SPIDR: variants seen among roughly 807,000 people sequenced by gnomAD.
SPIDR encodes DNA repair-scaffolding protein.
A neutral mutation model predicts 104.6 loss-of-function variants in SPIDR; 93 were observed. The observed-to-expected ratio is 0.89, with a 90% confidence interval of 0.75 to 1.06. The LOEUF (loss-of-function observed/expected upper bound fraction) is 1.06. Among genes scored for constraint, SPIDR ranks in the 50% least tolerant of loss-of-function variants. The pLI, the probability that SPIDR is intolerant of heterozygous loss-of-function variation, is 0.00. For missense variants in SPIDR, 1,154 were observed against 1,111.2 expected (o/e 1.04, Z -0.55); for synonymous variants, 431 against 416.9 (o/e 1.03, Z -0.41).
intron 5 of SPIDR, among the ~76,000 whole-genome samples, chr8:47,319,572 A>G (rs985752045): frequency 2.6e-5 from 4 of 152,210 alleles, no homozygotes; most frequent in African/African-American, 9.6e-5. Context: ...CAGGTATTGT[A>G]CTCAACTCTG....
chr8:47,402,145 C>G (rs1170356675), intron 6 of SPIDR, among the ~76,000 whole-genome samples: 1 of 152,190 alleles, frequency 6.6e-6, no homozygotes, highest in African/African-American at 2.4e-5. Context: ...TCTGAGACCA[C>G]AGTGCAATCA....
chr8:47,665,041 A>G (rs2154465348), intron 10 of SPIDR, among the ~76,000 whole-genome samples: 1 of 152,350 alleles, frequency 6.6e-6, no homozygotes, highest in Admixed American at 6.5e-5. Flanking sequence ...GATGATGCCG[A>G]AAATATTTGA....
chr8:47,426,204 A>G (rs2154337296), intron 7 of SPIDR, among the ~76,000 whole-genome samples: 1 of 152,340 alleles, frequency 6.6e-6, no homozygotes, highest in African/African-American at 2.4e-5. Context: ...CAGTGAGCTG[A>G]GATCATGCCA....
chr8:47,550,518 C>G (rs370339275), intron 8 of SPIDR, among the ~76,000 whole-genome samples: 3 of 152,146 alleles, frequency 2.0e-5, no homozygotes, highest in East Asian at 1.9e-4. Context: ...TTTTTATTCT[C>G]TTTGAAGCAG....
At chr8:47,510,230 T>C (rs1443412067) in intron 8 of SPIDR, among the ~76,000 whole-genome samples, 1 of 152,200 alleles carries the variant, frequency 6.6e-6, no homozygotes, top group Admixed American at 6.5e-5. Flanking sequence ...AATTAAAATA[T>C]CTTGGCAAAA....
At chr8:47,727,985 C>T (rs562699650) in intron 17 of SPIDR, among the ~76,000 whole-genome samples, 7 of 152,184 alleles carry the variant, frequency 4.6e-5, no homozygotes, top group East Asian at 1.9e-4. Context: ...GGCATGGTGG[C>T]GCGTGCCTGT....
At position 47,735,603 on chromosome 8, in the gene SPIDR, T is replaced by TA; in HGVS notation, c.*154dup. Reference sequence around the variant, plus strand: ...AGATTTTTCTGGGGAAATGTTCAGATACAGTTTTGTGAACTGTAAATCAAA... The same window carrying TA: ...AGATTTTTCTGGGGAAATGTTCAGATAACAGTTTTGTGAACTGTAAATCAAA... On this transcript the variant is annotated 3_prime_UTR_variant, in exon 20 of 20. Coordinates refer to ENST00000297423, the MANE Select transcript of SPIDR (RefSeq NM_001080394.4). 2 of 1,447,880 alleles carry TA rather than the reference T, an allele frequency of 1.4e-6. No individual in the cohort carries two copies. Among genetic ancestry groups the TA allele is most frequent in the South Asian group, 2.7e-5 (2 of 75,420 alleles). The allele number at this position is 1,447,880 out of a possible 1,614,324, so 89.7% of individuals were successfully genotyped here. A position where few individuals can be genotyped will look rare whatever the true frequency, so the allele number is the denominator to read the frequency against.
At chr8:47,638,143 A>G (rs2068249870) in intron 10 of SPIDR, among the ~76,000 whole-genome samples, 2 of 151,450 alleles carry the variant, frequency 1.3e-5, no homozygotes, top group Non-Finnish European at 2.9e-5. Flanking sequence ...TTTTGTTTTG[A>G]GTACTTCTTT....
At chr8:47,422,535 T>G (rs1017700869) in intron 7 of SPIDR, among the ~76,000 whole-genome samples, 2 of 152,234 alleles carry the variant, frequency 1.3e-5, no homozygotes, top group Non-Finnish European at 2.9e-5. Flanking sequence ...GGAAAGGGAA[T>G]TCCCTGACCC....
At chr8:47,334,482 G>C (rs1554607036) in intron 5 of SPIDR, among the ~76,000 whole-genome samples, 1 of 152,086 alleles carries the variant, frequency 6.6e-6, no homozygotes, top group Non-Finnish European at 1.5e-5. Context: ...TGTCTTCTTG[G>C]ACAATTGAAT....
chr8:47,522,172 C>CAAAAA (rs781613495), intron 8 of SPIDR, among the ~76,000 whole-genome samples: 1 of 65,622 alleles, frequency 1.5e-5, no homozygotes, highest in African/African-American at 5.9e-5. Context: ...GAGTCTGTCT[C>CAAAAA]AAAAAAAAAA....
intron 11 of SPIDR, among the ~76,000 whole-genome samples, chr8:47,684,994 G>A (rs2077557953): frequency 6.6e-6 from 1 of 152,212 alleles, no homozygotes; most frequent in African/African-American, 2.4e-5. Flanking sequence ...TGAGGCAGGT[G>A]GATCACCTGA....
At chr8:47,292,509 A>G (rs1554569952) in intron 4 of SPIDR, among the ~76,000 whole-genome samples, 1 of 152,212 alleles carries the variant, frequency 6.6e-6, no homozygotes, top group African/African-American at 2.4e-5. Context: ...TGTGCCTCCC[A>G]AAGTGCTGGG....
chr8:47,569,766 C>T (rs981943491), intron 8 of SPIDR, among the ~76,000 whole-genome samples: 12 of 152,050 alleles, frequency 7.9e-5, no homozygotes, highest in Admixed American at 4.6e-4. Flanking sequence ...CTAAAAAGAA[C>T]TGATAGAAGT....
intron 7 of SPIDR, among the ~76,000 whole-genome samples, chr8:47,426,121 A>C (rs1360892323): frequency 6.6e-6 from 1 of 151,938 alleles, no homozygotes; most frequent in African/African-American, 2.4e-5. Context: ...CCATGGGGGC[A>C]CACACTCCTG....
At chr8:47,275,605 T>G (rs2036262666) in intron 1 of SPIDR, among the ~76,000 whole-genome samples, 1 of 152,230 alleles carries the variant, frequency 6.6e-6, no homozygotes, top group South Asian at 2.1e-4. Context: ...GAAAATATTT[T>G]ATTATTTTAA....
At chr8:47,403,301 G>T (rs1205807462) in intron 6 of SPIDR, among the ~76,000 whole-genome samples, 1 of 152,172 alleles carries the variant, frequency 6.6e-6, no homozygotes, top group Non-Finnish European at 1.5e-5. Context: ...GCACAAGACA[G>T]GGATGCCCTC....
intron 10 of SPIDR, among the ~76,000 whole-genome samples, chr8:47,670,553 A>G (rs2075658754): frequency 6.6e-6 from 1 of 152,100 alleles, no homozygotes; most frequent in East Asian, 1.9e-4. Flanking sequence ...GTGTTTTCCT[A>G]TATTTCTCAT....
At chr8:47,474,851 A>T (rs557799595) in intron 8 of SPIDR, among the ~76,000 whole-genome samples, 9 of 151,284 alleles carry the variant, frequency 5.9e-5, no homozygotes, top group African/African-American at 2.2e-4. Flanking sequence ...TACAGTTTTT[A>T]ACTGTAATTG....
Sources: allele counts gnomAD v4.1 joint callset (sites outside exome capture counted in the v4.1 genomes callset), GRCh38; gene constraint gnomAD v4.1.1; transcripts MANE v1.5; gene names NCBI Gene and HGNC (gene_info 2026-07-23, HGNC 2026-07-21).